TTYH1: variants seen among roughly 807,000 people sequenced by gnomAD.
TTYH1 encodes the protein tweety family member 1, also known as protein tweety homolog 1.
A neutral mutation model predicts 61.2 loss-of-function variants in TTYH1; 33 were observed. That is an observed-to-expected ratio of 0.54 (90% CI 0.41 to 0.72). The LOEUF (loss-of-function observed/expected upper bound fraction) is 0.72. TTYH1 is among the 30% of genes least tolerant of loss of function. The pLI, the probability that TTYH1 is intolerant of heterozygous loss-of-function variation, is 0.00. For missense variants in TTYH1, 538 were observed against 575.8 expected (o/e 0.93, Z 0.67); for synonymous variants, 308 against 266.4 (o/e 1.16, Z -1.52).
chr19:54,416,762 CG>C lies in TTYH1; in HGVS notation c.126+1088del. 1 of 1,292,444 alleles carries C rather than the reference CG, an allele frequency of 7.7e-7. No homozygotes were observed. 80.1% of individuals were successfully genotyped at this position (1,292,444 alleles called of 1,614,324 possible). ...CCTCGCCGCCCCCTCTCCCCACACACGGGGACCGCCGTCCCCTCGCCCACAG... is the reference window on the plus strand; with the variant it reads ...CCTCGCCGCCCCCTCTCCCCACACACGGGACCGCCGTCCCCTCGCCCACAG... On this transcript the variant is annotated intron_variant, in intron 1 of 13. Transcript: ENST00000376530. The surrounding 1 kb of genome is among the most constrained non-coding windows in gnomAD (Gnocchi z 7.0).
chr19:54,418,288 G>C (rs538071656), intron 1 of TTYH1: 4 of 152,294 alleles, frequency 2.6e-5, no homozygotes, highest in Non-Finnish European at 4.4e-5. Flanking sequence ...CCTGTCTTCC[G>C]GGCCTTGGCT....
chr19:54,423,739 G>A (rs1260810641), intron 4 of TTYH1, among the ~76,000 whole-genome samples: 3 of 152,076 alleles, frequency 2.0e-5, no homozygotes, highest in South Asian at 2.1e-4. Flanking sequence ...TAGTCACCCC[G>A]GTGGCGGGCC....
intron 10 of TTYH1, chr19:54,431,417 T>TC: frequency 3.8e-6 from 2 of 532,768 alleles, no homozygotes; most frequent in South Asian, 2.4e-5. Context: ...TCCCTCCCTT[T>TC]CCCCCCAACT....
Position 54,419,229 on chromosome 19 carries a change from G to GC in TTYH1, c.234dup (p.Gly79ArgfsTer36). On this transcript the variant is annotated frameshift_variant, in exon 2 of 14. Coordinates refer to ENST00000376530, the MANE Select transcript of TTYH1 (RefSeq NM_020659.4). LOFTEE classifies it high-confidence loss of function. The surrounding 1 kb of genome is among the most constrained non-coding windows in gnomAD (Gnocchi z 6.1). ...GCTTCTGCTGCTGCCGGCCCCCCGA[G>GC]CCCCCCGGGTCCAAGATCCCCTCGC... 2 of 1,609,742 alleles carry GC rather than the reference G, an allele frequency of 1.2e-6. No individual in the cohort carries two copies.
chr19:54,422,465 G>T lies in TTYH1; in HGVS notation c.638+55G>T, dbSNP rs188048797. The T allele has an allele frequency of 5.8e-4, 821 of 1,426,872 alleles. 14 individuals are homozygous for T. The Admixed American group carries it at 0.018, about 32-fold the overall frequency. 88.4% of individuals were successfully genotyped at this position (1,426,872 alleles called of 1,614,324 possible). ...CCGGCAGCTCTCAGGCGGAGTCCCC[G>T]GGGGGACAGTTGGCAATGCCTGGAG... On this transcript the variant is annotated intron_variant, in intron 4 of 13. Transcript: ENST00000376530.
At chr19:54,435,366 CCCCACTGTA>C (rs770179252) in intron 10 of TTYH1, among the ~76,000 whole-genome samples, 167 bp from the exon 11 acceptor site, 2 of 152,138 alleles carry the variant, frequency 1.3e-5, no homozygotes, top group Non-Finnish European at 2.9e-5. Flanking sequence ...ACACCAAAGA[CCCCACTGTA>C]CCCACTGTAT....
In TTYH1 at chr19:54,436,212, T is replaced by C; in HGVS notation, c.*42+41T>C. The C allele has an allele frequency of 6.2e-7, 1 of 1,606,874 alleles. No individual in the cohort carries two copies. ...CCACCCCAGCTCCTGCAGCCGGGCC[T>C]CTGCCCCCCTCCCGCCCTCCGAGCT... On this transcript the variant is annotated intron_variant, in intron 13 of 13. Coordinates refer to ENST00000376530, the MANE Select transcript of TTYH1 (RefSeq NM_020659.4). This position sits in a 1 kb window ranked among gnomAD's most constrained non-coding sequence, Gnocchi z 4.3.
Position 54,422,239 on chromosome 19 carries a change from C to T in TTYH1, c.467C>T (p.Thr156Ile). The T allele has an allele frequency of 6.4e-7, 1 of 1,567,680 alleles. No homozygotes were observed. The highest frequency in any genetic ancestry group is 8.6e-7 in the Non-Finnish European group (1 of 1,156,920). Residue 156 changes from threonine (T) to isoleucine (I), a missense_variant, in exon 4 of 14, where the codon ACC becomes ATC. By Grantham distance (89) the Thr-to-Ile change is moderately conservative. This residue lies in a region of TTYH1 where 378 missense variants were observed against 401.2 expected (regional missense o/e 0.94). Transcript: ENST00000376530. ...GGCGAGGCGGTGAGGACAGAGCTGA[C>T]CACCCTGGAGGAGGTGCTCGAGCCG... The part of the protein sequence containing the change: ...RLGEAVRTEL[T>I]TLEEVLEPRT...
At chr19:54,428,335 C>T (rs572081249) in intron 5 of TTYH1, among the ~76,000 whole-genome samples, 41 of 151,992 alleles carry the variant, frequency 2.7e-4, no homozygotes, top group Non-Finnish European at 5.4e-4. Context: ...GTGATCCGCC[C>T]GCCTCAGCCT....
Position 54,415,755 on chromosome 19 carries a change from G to A in TTYH1, c.126+77G>A, listed in dbSNP as rs892306028. On this transcript the variant is annotated intron_variant, in intron 1 of 13. Coordinates refer to ENST00000376530, the MANE Select transcript of TTYH1 (RefSeq NM_020659.4). This position sits in a 1 kb window ranked among gnomAD's most constrained non-coding sequence, Gnocchi z 5.2. ...GGGTCCCGAGGGAGAAGGGGGCTGG[G>A]TCACAGATTTCCTGAGCTCCGCCGG... 2.5e-5 allele frequency: 34 copies of A among 1,365,802 alleles called. No individual in the cohort carries two copies. The highest frequency in any genetic ancestry group is 3.3e-5 in the Non-Finnish European group (34 of 1,041,634). 84.6% of individuals were successfully genotyped at this position (1,365,802 alleles called of 1,614,324 possible).
rs2083383607 is a variant in TTYH1 at position 54,429,087 on chromosome 19, C to A, written c.735-220C>A. Among the ~76,000 whole-genome samples the A allele has an allele frequency of 6.6e-6, 1 of 151,990 alleles. No individual in the cohort carries two copies. The highest frequency in any genetic ancestry group is 6.5e-5 in the Admixed American group (1 of 15,272). On this transcript the variant is annotated intron_variant, in intron 5 of 13. Coordinates refer to ENST00000376530, the MANE Select transcript of TTYH1 (RefSeq NM_020659.4). This position sits in a 1 kb window ranked among gnomAD's most constrained non-coding sequence, Gnocchi z 5.1. The stretch of plus-strand genomic sequence containing the variant: ...CACCCAGCCCAGGGCCCTGCTCATA[C>A]CCCACACCCTGCTCATCTGGGCAGG...
At chr19:54,428,369 A>C (rs986866962) in intron 5 of TTYH1, among the ~76,000 whole-genome samples, 3 of 151,980 alleles carry the variant, frequency 2.0e-5, no homozygotes, top group Non-Finnish European at 4.4e-5. Flanking sequence ...GATTACAGGC[A>C]TGAGCCACCG....
chr19:54,435,831 C>A lies in TTYH1; in HGVS notation c.1272C>A (p.Asp424Glu). 1.2e-6 allele frequency: 2 copies of A among 1,614,046 alleles called. No homozygotes were observed. The highest frequency in any genetic ancestry group is 8.5e-7 in the Non-Finnish European group (1 of 1,179,992). ...CATGCCCCGCATCAAACCCCAGTGA[C>A]GACTACGATGACACAGACGATGACG... ...PRAWALFPPS[D>E]DYDDTDDDDP... The change falls in exon 12 of 14, where the codon GAC (aspartate) becomes GAA (glutamate). Residue 424 changes from aspartate to glutamate, a missense_variant. Coordinates refer to ENST00000376530, the MANE Select transcript of TTYH1 (RefSeq NM_020659.4).
In TTYH1 at chr19:54,419,204, G is replaced by A. The variant is rs968667710; in HGVS notation, c.203G>A (p.Arg68His). The change falls in exon 2 of 14, where the codon CGC (arginine) becomes CAC (histidine). Residue 68 changes from arginine to histidine, a missense_variant. Arg to His is a conservative substitution (Grantham distance 29). Around this residue, in one of 3 missense-constraint regions of TTYH1, gnomAD observed 157 missense variants for 157.0 expected, o/e 1.00. Coordinates refer to ENST00000376530, the MANE Select transcript of TTYH1 (RefSeq NM_020659.4). The surrounding 1 kb of genome is among the most constrained non-coding windows in gnomAD (Gnocchi z 6.1). ...ATTTTCATCGCTGTCTACCTCATCC[G>A]CTTCTGCTGCTGCCGGCCCCCCGAG... ...SLIFIAVYLI[R>H]FCCCRPPEPP... is the part of the protein sequence containing the mutation. The A allele has an allele frequency of 3.1e-6, 5 of 1,611,838 alleles. No individual in the cohort carries two copies. Among genetic ancestry groups the A allele is most frequent in the South Asian group, 1.1e-5 (1 of 91,086 alleles).
rs1247826682 is a variant in TTYH1 at position 54,434,696 on chromosome 19, GAC to G, written c.1126-844_1126-843del. On this transcript the variant is annotated intron_variant, in intron 10 of 13. Transcript: ENST00000376530. The surrounding 1 kb of genome is among the most constrained non-coding windows in gnomAD (Gnocchi z 4.3). ...GCCGTTTCTGCTGATTTCTTGGGAC[GAC>G]AGTCATCAGAGCCAGCATTTGTTGG... The G allele has an allele frequency of 6.6e-6, 1 of 152,310 alleles. No individual in the cohort carries two copies. Among genetic ancestry groups the G allele is most frequent in the African/African-American group, 2.4e-5 (1 of 41,454 alleles). The allele number at this position is 152,310 out of a possible 1,614,324, so 9.4% of individuals were successfully genotyped here.
rs1599877387 is a variant in TTYH1 at position 54,415,718 on chromosome 19, G to A, written c.126+40G>A. On this transcript the variant is annotated intron_variant, in intron 1 of 13. Coordinates refer to ENST00000376530, the MANE Select transcript of TTYH1 (RefSeq NM_020659.4). The surrounding 1 kb of genome is among the most constrained non-coding windows in gnomAD (Gnocchi z 5.2). ...CAGGGCCTGGGGGCCAGGGCTGGGG[G>A]CCGGAGCTCCTGGGTCCCGAGGGAG... is the stretch of plus-strand genomic sequence containing the variant. 6.7e-7 allele frequency: 1 copy of A among 1,494,356 alleles called. No homozygotes were observed. The highest frequency in any genetic ancestry group is 8.9e-7 in the Non-Finnish European group (1 of 1,123,036). The allele number at this position is 1,494,356 out of a possible 1,614,324, so 92.6% of individuals were successfully genotyped here.
intron 5 of TTYH1, among the ~76,000 whole-genome samples, chr19:54,428,060 T>C (rs1390754778): frequency 1.4e-5 from 2 of 148,008 alleles, no homozygotes; most frequent in Admixed American, 6.8e-5. Context: ...CATGGGCTTA[T>C]GCCACCACTC....
At chr19:54,417,290 TACAC>T in intron 1 of TTYH1, among the ~76,000 whole-genome samples, 1 of 146,796 alleles carries the variant, frequency 6.8e-6, no homozygotes, top group East Asian at 2.0e-4. Context: ...TTACTCCCAT[TACAC>T]ACTCACATGC....
rs995506136 is a variant in TTYH1 at position 54,429,707 on chromosome 19, C to T, written c.808-175C>T. 3.3e-5 allele frequency among the ~76,000 whole-genome samples: 5 copies of T among 151,000 alleles called. No individual in the cohort carries two copies. Among genetic ancestry groups the T allele is most frequent in the African/African-American group, 1.2e-4 (5 of 40,992 alleles). ...GAGAAAGGGCTGGAGAGTCTGAACC[C>T]CTGAGTCTGAGGGACGAGGGGCCTG... is the stretch of plus-strand genomic sequence containing the variant. On this transcript the variant is annotated intron_variant, in intron 6 of 13. Coordinates refer to ENST00000376530, the MANE Select transcript of TTYH1 (RefSeq NM_020659.4). The surrounding 1 kb of genome is among the most constrained non-coding windows in gnomAD (Gnocchi z 5.1).
Sources: allele counts gnomAD v4.1 joint callset (sites outside exome capture counted in the v4.1 genomes callset), GRCh38; gene constraint gnomAD v4.1.1; regional missense constraint gnomAD v4.1.1; non-coding constraint Gnocchi (gnomAD v3.1); transcripts MANE v1.5; gene names NCBI Gene and HGNC (gene_info 2026-07-23, HGNC 2026-07-21).